Variants in IGSF21 observed in about 807,000 individuals in gnomAD.
The protein encoded by IGSF21 is immunoglobulin superfamily member 21.
IGSF21 carries 28 observed loss-of-function variants against 46.8 expected under a neutral mutation model. That is an observed-to-expected ratio of 0.60 (90% confidence interval 0.44 to 0.82). The LOEUF is 0.82. Among genes scored for constraint, IGSF21 ranks in the 40% least tolerant of loss-of-function variants. The pLI, the probability that IGSF21 is intolerant of heterozygous loss-of-function variation, is 0.00. For missense variants in IGSF21, 624 were observed against 665.5 expected (o/e 0.94, Z 0.69); for synonymous variants, 284 against 273.6 (o/e 1.04, Z -0.38).
intron 1 of IGSF21, among the ~76,000 whole-genome samples, chr1:18,153,286 A>C (rs2086537209): frequency 6.6e-6 from 1 of 152,174 alleles, no homozygotes; most frequent in African/African-American, 2.4e-5. Flanking sequence ...GTCCTCTTGG[A>C]GATGTCCATC....
chr1:18,115,266 C>G (rs2086178063), intron 1 of IGSF21: 1 of 152,556 alleles, frequency 6.6e-6, no homozygotes, highest in African/African-American at 2.4e-5. Context: ...CCCTCCACAG[C>G]CCCCCACCAC....
At chr1:18,196,433 T>C (rs1006438637) in intron 1 of IGSF21, among the ~76,000 whole-genome samples, 1 of 152,100 alleles carries the variant, frequency 6.6e-6, no homozygotes, top group Non-Finnish European at 1.5e-5. Flanking sequence ...GTCTGCAGAA[T>C]CCAAGTGTGC....
intron 1 of IGSF21, among the ~76,000 whole-genome samples, chr1:18,156,428 C>G (rs1471676944): frequency 1.3e-5 from 2 of 152,178 alleles, no homozygotes; most frequent in East Asian, 1.9e-4. Flanking sequence ...CTTAAGGAAG[C>G]ACAGCAAGTA....
chr1:18,141,502 T>C (rs1023634599), intron 1 of IGSF21, among the ~76,000 whole-genome samples: 2 of 150,828 alleles, frequency 1.3e-5, no homozygotes, highest in Non-Finnish European at 3.0e-5. Context: ...GGGCAGGGGG[T>C]TGGGGGAGAG....
intron 1 of IGSF21, among the ~76,000 whole-genome samples, chr1:18,183,165 C>T (rs1169656691): frequency 6.6e-6 from 1 of 152,164 alleles, no homozygotes; most frequent in Admixed American, 6.5e-5. Context: ...ATTCCCCTGG[C>T]GGAGGCACGA....
At chr1:18,191,653 C>T (rs753232503) in intron 1 of IGSF21, among the ~76,000 whole-genome samples, 1 of 151,992 alleles carries the variant, frequency 6.6e-6, no homozygotes, top group Non-Finnish European at 1.5e-5. Context: ...TTGGGGAAGC[C>T]GGGCCCATCT....
At chr1:18,149,479 A>T (rs1249341505) in intron 1 of IGSF21, among the ~76,000 whole-genome samples, 1 of 152,070 alleles carries the variant, frequency 6.6e-6, no homozygotes, top group Admixed American at 6.5e-5. Flanking sequence ...TCACAGAGCT[A>T]ATGTTGCTAA....
chr1:18,297,017 G>T (rs2085318097), intron 3 of IGSF21, among the ~76,000 whole-genome samples: 1 of 152,136 alleles, frequency 6.6e-6, no homozygotes, highest in Non-Finnish European at 1.5e-5. Flanking sequence ...GGTCCTACTT[G>T]TCCTTTCAAG....
At chr1:18,377,358 C>T (rs1310214408) in intron 8 of IGSF21, 35 bp from the exon 9 acceptor site, 19 of 1,601,352 alleles carry the variant, frequency 1.2e-5, no homozygotes, top group Non-Finnish European at 1.5e-5. Context: ...GAAGGCCATC[C>T]ACCCTTTGGT....
intron 1 of IGSF21, among the ~76,000 whole-genome samples, chr1:18,120,659 G>A (rs753932241): frequency 1.3e-5 from 2 of 152,198 alleles, no homozygotes; most frequent in African/African-American, 2.4e-5. Context: ...CAGCAAAACG[G>A]TGCCTACTCT....
intron 3 of IGSF21, among the ~76,000 whole-genome samples, chr1:18,310,601 C>T (rs758215469): frequency 4.1e-4 from 62 of 152,252 alleles, no homozygotes; most frequent in Admixed American, 9.8e-4. Flanking sequence ...TTGGAGAGGA[C>T]GTGTGGGGTG....
chr1:18,188,061 A>T (rs1400097286), intron 1 of IGSF21, among the ~76,000 whole-genome samples: 1 of 152,200 alleles, frequency 6.6e-6, no homozygotes. Flanking sequence ...CTTTGTGACA[A>T]CAGGGGAGGC....
chr1:18,225,877 C>A (rs12035101), intron 1 of IGSF21, among the ~76,000 whole-genome samples: 1 of 152,080 alleles, frequency 6.6e-6, no homozygotes, highest in Non-Finnish European at 1.5e-5. Flanking sequence ...TCATGGAGCC[C>A]GAAGGTTTGG....
At chr1:18,328,498 C>A (rs1007373634) in intron 3 of IGSF21, among the ~76,000 whole-genome samples, 1 of 152,162 alleles carries the variant, frequency 6.6e-6, no homozygotes. Flanking sequence ...GAGTCGGGGA[C>A]CTTCTGTATT....
chr1:18,350,667 A>C (rs556886), intron 4 of IGSF21, among the ~76,000 whole-genome samples: 84,121 of 151,472 alleles, frequency 0.56, 23,292 homozygotes, highest in South Asian at 0.64. Flanking sequence ...AAAAAAAAAT[A>C]CCCCTCCCAC....
intron 1 of IGSF21, among the ~76,000 whole-genome samples, chr1:18,145,196 A>G: frequency 8.2e-6 from 1 of 122,024 alleles, no homozygotes; most frequent in South Asian, 3.3e-4. Flanking sequence ...AGAGGAATTT[A>G]TGGAATATTT....
intron 3 of IGSF21, among the ~76,000 whole-genome samples, chr1:18,320,588 G>A (rs975167877): frequency 1.3e-5 from 2 of 152,200 alleles, no homozygotes; most frequent in Non-Finnish European, 1.5e-5. Context: ...CCACAGCTTC[G>A]CAAGGAATGC....
intron 6 of IGSF21, among the ~76,000 whole-genome samples, chr1:18,366,667 C>G (rs563043378): frequency 6.6e-6 from 1 of 152,110 alleles, no homozygotes. Context: ...GATATCACTC[C>G]GGCTTACACT....
At chr1:18,201,457 C>T (rs17488627) in intron 1 of IGSF21, among the ~76,000 whole-genome samples, 24,866 of 152,168 alleles carry the variant, frequency 0.16, 2,307 homozygotes, top group Non-Finnish European at 0.2. Flanking sequence ...AGGGACACAA[C>T]GAGCACTGGA....
Sources: allele counts gnomAD v4.1 joint callset (sites outside exome capture counted in the v4.1 genomes callset), GRCh38; gene constraint gnomAD v4.1.1; transcripts MANE v1.5; gene names NCBI Gene and HGNC (gene_info 2026-07-23, HGNC 2026-07-21).